Variants in DNAH17 observed in about 807,000 individuals in gnomAD.
DNAH17 encodes axonemal beta dynein heavy chain 17.
Under a neutral mutation model 485.6 loss-of-function variants are expected in DNAH17, and 376 were observed. The ratio of observed to expected loss-of-function variants is 0.77; its 90% CI spans 0.71 to 0.84. The LOEUF is 0.84. Among genes scored for constraint, DNAH17 ranks in the 40% least tolerant of loss-of-function variants. DNAH17 has a pLI of 0.00. For missense variants in DNAH17, 6,370 were observed against 5,839.3 expected (o/e 1.09, Z -2.96); for synonymous variants, 3,031 against 2,405.9 (o/e 1.26, Z -7.60).
intron 26 of DNAH17, among the ~76,000 whole-genome samples, chr17:78,513,453 A>G (rs1415628756): frequency 6.6e-6 from 1 of 152,170 alleles, no homozygotes; most frequent in East Asian, 1.9e-4. Context: ...CTATTTTGTT[A>G]GAGACACAGT....
rs1449313228 is a variant in DNAH17 at position 78,442,618 on chromosome 17, C to T, written c.11529-1419G>A. Among the ~76,000 whole-genome samples, 4 of 152,038 alleles carry T rather than the reference C, an allele frequency of 2.6e-5. No individual in the cohort carries two copies. In the South Asian group the frequency reaches 8.3e-4, roughly 32 times the overall value. ...ATCGGCTGTGGATGAATTAATGATGCAGAAGCATGCAGGCTGGGTTCGTCA... is the reference window on the plus strand; with the variant it reads ...ATCGGCTGTGGATGAATTAATGATGTAGAAGCATGCAGGCTGGGTTCGTCA... On this transcript the variant is annotated intron_variant, in intron 71 of 80. Transcript: ENST00000389840.
chr17:78,483,494 G>A (rs1285367045), intron 48 of DNAH17, among the ~76,000 whole-genome samples: 2 of 152,130 alleles, frequency 1.3e-5, no homozygotes, highest in African/African-American at 4.8e-5. Context: ...GGTGGGCATG[G>A]TGGCAGGCAC....
At chr17:78,450,013 G>C in intron 68 of DNAH17, 1 of 553,286 alleles carries the variant, frequency 1.8e-6, no homozygotes, top group Non-Finnish European at 3.2e-6. Context: ...GTGCCTGGAG[G>C]CACCAGGGGA....
intron 3 of DNAH17, 45 bp from the exon 4 acceptor site, chr17:78,571,827 CGT>C: frequency 6.6e-7 from 1 of 1,524,558 alleles, no homozygotes. Flanking sequence ...GCGACACACA[CGT>C]GGGTCCCACC....
intron 36 of DNAH17, 51 bp downstream of exon 36, chr17:78,500,254 G>C (rs767077071): frequency 1.3e-6 from 2 of 1,551,734 alleles, no homozygotes; most frequent in Non-Finnish European, 1.7e-6. Context: ...GCTAGGATCT[G>C]CTTCTATAAA....
intron 34 of DNAH17, 103 bp downstream of exon 34, chr17:78,501,639 C>T: frequency 6.7e-7 from 1 of 1,481,638 alleles, no homozygotes; most frequent in South Asian, 1.3e-5. Context: ...GAGTCAGTGC[C>T]CCAGGAAGAG....
At chr17:78,526,600 G>A (rs1401097488) in intron 24 of DNAH17, 51 bp downstream of exon 24, 1 of 1,444,586 alleles carries the variant, frequency 6.9e-7, no homozygotes. Flanking sequence ...AGAAAAGAAA[G>A]CAGTGGGGTT....
At chr17:78,502,006 C>T in intron 33 of DNAH17, 133 bp from the exon 34 acceptor site, 2 of 1,288,550 alleles carry the variant, frequency 1.6e-6, no homozygotes, top group Admixed American at 2.1e-5. Context: ...ACAAGAGCGC[C>T]CTCGGTAGGC....
At chr17:78,543,639 G>A in intron 17 of DNAH17, 7 of 657,720 alleles carry the variant, frequency 1.1e-5, no homozygotes, top group East Asian at 2.9e-5. Flanking sequence ...TGGTCAAGCT[G>A]GTCTCGATCT....
chr17:78,553,868 G>T (rs2091963337), intron 14 of DNAH17, among the ~76,000 whole-genome samples: 1 of 152,170 alleles, frequency 6.6e-6, no homozygotes, highest in African/African-American at 2.4e-5. Flanking sequence ...GTTTGTACTT[G>T]ATTTCTTTTT....
chr17:78,491,400 T>TGCCTTGGGTG (rs759378163), intron 43 of DNAH17, 43 bp downstream of exon 43: 5 of 1,602,494 alleles, frequency 3.1e-6, no homozygotes, highest in African/African-American at 1.3e-5. Flanking sequence ...CCGTTGTCCC[T>TGCCTTGGGTG]GCCTTGGGTG....
intron 42 of DNAH17, 44 bp downstream of exon 42, chr17:78,492,589 A>G: frequency 5.6e-6 from 9 of 1,608,672 alleles, no homozygotes; most frequent in Non-Finnish European, 7.7e-6. Flanking sequence ...ACTGCACTGG[A>G]CCAGGAGTGC....
intron 48 of DNAH17, among the ~76,000 whole-genome samples, chr17:78,483,505 CT>C (rs552322933): frequency 2.0e-3 from 299 of 152,212 alleles, no homozygotes; most frequent in Admixed American, 3.4e-3. Context: ...TGGCAGGCAC[CT>C]ATAATTTCAG....
In DNAH17 at chr17:78,562,059, A is replaced by G. The variant is rs531578719; in HGVS notation, c.1570-79T>C. The G allele has an allele frequency of 2.1e-3, 3,134 of 1,477,526 alleles. 6 individuals carry two copies. The highest frequency in any genetic ancestry group is 2.6e-3 in the Non-Finnish European group (2,885 of 1,116,440). 91.5% of individuals were successfully genotyped at this position (1,477,526 alleles called of 1,614,324 possible). On this transcript the variant is annotated intron_variant, in intron 11 of 80. Coordinates refer to ENST00000389840, the MANE Select transcript of DNAH17 (RefSeq NM_173628.4). Reference sequence around the variant, plus strand: ...GCCTGTGGCTGTGGACAAAACGGGCAGGGCCAATCTTCAGGAGTGAGAGAA... The same window carrying G: ...GCCTGTGGCTGTGGACAAAACGGGCGGGGCCAATCTTCAGGAGTGAGAGAA...
chr17:78,502,534 G>T, intron 33 of DNAH17, 57 bp downstream of exon 33: 1 of 1,501,268 alleles, frequency 6.7e-7, no homozygotes, highest in Admixed American at 2.0e-5. Flanking sequence ...ACGGGCCCAT[G>T]CACCTGCTTT....
intron 30 of DNAH17, 105 bp from the exon 31 acceptor site, chr17:78,505,550 A>G (rs2146736725): frequency 7.1e-7 from 1 of 1,404,036 alleles, no homozygotes; most frequent in Non-Finnish European, 9.9e-7. Context: ...TTTTTGGAAT[A>G]TACTCCCCAT....
intron 17 of DNAH17, among the ~76,000 whole-genome samples, chr17:78,542,500 C>T (rs1268165460): frequency 6.6e-6 from 1 of 152,180 alleles, no homozygotes; most frequent in Non-Finnish European, 1.5e-5. Context: ...TGCAAAGCTC[C>T]ACCTTTCACA....
At chr17:78,531,337 C>CTTT (rs35874440) in intron 20 of DNAH17, among the ~76,000 whole-genome samples, 20 of 122,354 alleles carry the variant, frequency 1.6e-4, no homozygotes, top group African/African-American at 2.9e-4. Context: ...TAAAGTCTGT[C>CTTT]TTTTTTTTTT....
chr17:78,482,094 C>T (rs1397141616), intron 48 of DNAH17, among the ~76,000 whole-genome samples: 1 of 139,838 alleles, frequency 7.2e-6, no homozygotes, highest in Non-Finnish European at 1.5e-5. Context: ...TTTTTTTCCC[C>T]CGAGACAGGG....
Sources: allele counts gnomAD v4.1 joint callset (sites outside exome capture counted in the v4.1 genomes callset), GRCh38; gene constraint gnomAD v4.1.1; transcripts MANE v1.5; gene names NCBI Gene and HGNC (gene_info 2026-07-23, HGNC 2026-07-21).